Variants in CPS1 observed in about 807,000 individuals in gnomAD.
The protein encoded by CPS1 is carbamoyl-phosphate synthase [ammonia], mitochondrial.
In CPS1, 109 loss-of-function variants were observed where a neutral mutation model predicts 174.6. That is an observed-to-expected ratio of 0.62 (90% CI 0.53 to 0.73). CPS1 has a LOEUF of 0.73. Among genes scored for constraint, CPS1 ranks in the 30% least tolerant of loss-of-function variants. The pLI is 0.00. For synonymous variants in CPS1, 637 were observed against 632.0 expected, an observed-to-expected ratio of 1.01 and a Z score of -0.12; for missense variants, 1,689 against 1,821.9, an observed-to-expected ratio of 0.93 and a Z score of 1.33.
Position 210,648,046 on chromosome 2 carries a change from G to A in CPS1, c.3325G>A (p.Val1109Ile), listed in dbSNP as rs1405959957. 6.2e-7 allele frequency: 1 copy of A among 1,613,920 alleles called. No homozygotes were observed. Among genetic ancestry groups the A allele is most frequent in the East Asian group, 2.2e-5 (1 of 44,880 alleles). ...LKVAQAPWKA[V>I]NTLNEALEFA... ...GGTGGCTCAGGCACCTTGGAAAGCT[G>A]TTAATACTTTGGTAAGGAGAGAAAC... is the stretch of plus-strand genomic sequence containing the variant. Residue 1109 changes from valine (V) to isoleucine (I), a missense_variant, in exon 26 of 38, where the codon GTT becomes ATT. Transcript: ENST00000233072.
Position 210,608,058 on chromosome 2 carries a change from G to A in CPS1, c.2193-303G>A, listed in dbSNP as rs987892541. On this transcript the variant is annotated intron_variant, in intron 18 of 37. Transcript: ENST00000233072. ...TTAGTGGAGGTTAAATACAAATAAAGGTTAAACTTTATTTATCAATAAAGC... is the reference window on the plus strand; with the variant it reads ...TTAGTGGAGGTTAAATACAAATAAAAGTTAAACTTTATTTATCAATAAAGC... Among the ~76,000 whole-genome samples the A allele has an allele frequency of 9.9e-5, 15 of 151,922 alleles. 1 individual carries two copies. The highest frequency in any genetic ancestry group is 3.6e-4 in the African/African-American group (15 of 41,468).
At chr2:210,640,702 G>A (rs948195054) in intron 24 of CPS1, among the ~76,000 whole-genome samples, 7 of 151,976 alleles carry the variant, frequency 4.6e-5, no homozygotes, top group South Asian at 4.1e-4. Context: ...ATTATAATAT[G>A]GAAATGATAA....
intron 21 of CPS1, among the ~76,000 whole-genome samples, chr2:210,632,912 C>A (rs1000760502): frequency 2.6e-5 from 4 of 152,122 alleles, no homozygotes; most frequent in South Asian, 2.1e-4. Flanking sequence ...ATTTTTAAGA[C>A]ATTTAAAAAT....
rs376315320 is a variant in CPS1, at chr2:210,608,579, C to T, written c.2391+20C>T. On this transcript the variant is annotated intron_variant, in intron 19 of 37. Coordinates refer to ENST00000233072, the MANE Select transcript of CPS1 (RefSeq NM_001875.5). ...GGAGAGGTGAGTCCTTGGTTTATTA[C>T]GCTTTTCTTCTTGTTCTCAGTTATT... 1.2e-4 allele frequency: 199 copies of T among 1,605,412 alleles called. No homozygotes were observed. The African/African-American group carries it at 1.5e-3, about 12-fold the overall frequency.
intron 30 of CPS1, among the ~76,000 whole-genome samples, chr2:210,657,919 C>T (rs1700772556): frequency 6.6e-6 from 1 of 152,202 alleles, no homozygotes; most frequent in African/African-American, 2.4e-5. Context: ...TCTCAGAGCT[C>T]AATGTGTCAT....
chr2:210,606,158 C>T (rs1698900357), intron 17 of CPS1, among the ~76,000 whole-genome samples: 1 of 151,844 alleles, frequency 6.6e-6, no homozygotes, highest in African/African-American at 2.4e-5. Context: ...AAAGGAATTA[C>T]ATGGTATCAA....
chr2:210,677,814 A>G (rs2105946951), intron 37 of CPS1, 73 bp from the exon 38 acceptor site: 5 of 1,191,960 alleles, frequency 4.2e-6, no homozygotes, highest in Middle Eastern at 1.9e-4. Context: ...GACACTTGTG[A>G]CTTTTGTCTT....
Position 210,538,883 on chromosome 2 carries a change from G to T in CPS1, c.4-17836G>T, listed in dbSNP as rs554932360. On this transcript the variant is annotated intron_variant, in intron 1 of 38. Transcript: ENST00000430249. ...ACAAATAAGTTTAAGATCTTCCTAT[G>T]GGAAAAAATAATTTCCTCTATCAGA... 6.6e-5 allele frequency among the ~76,000 whole-genome samples: 10 copies of T among 151,954 alleles called. No individual in the cohort carries two copies. In the South Asian group the frequency reaches 1.9e-3, roughly 28 times the overall value.
Position 210,556,618 on chromosome 2 carries a change from G to A in CPS1, c.-116G>A. 1 of 1,538,072 alleles carries A rather than the reference G, an allele frequency of 6.5e-7. No individual in the cohort carries two copies. Among genetic ancestry groups the A allele is most frequent in the Non-Finnish European group, 8.8e-7 (1 of 1,142,574 alleles). ...AAATTCAAAGATCGCTGTGCAGTCA[G>A]CCTTAAACACTGACTGCACCCCTCC... On this transcript the variant is annotated 5_prime_UTR_variant, in exon 1 of 38. Coordinates refer to ENST00000233072, the MANE Select transcript of CPS1 (RefSeq NM_001875.5).
In CPS1 at chr2:210,654,109, G is replaced by A. The variant is rs764456030; in HGVS notation, c.3558+7G>A. 31 of 1,612,614 alleles carry A rather than the reference G, an allele frequency of 1.9e-5. No individual in the cohort carries two copies. The highest frequency in any genetic ancestry group is 2.6e-5 in the Non-Finnish European group (31 of 1,178,804). ...TGTTGGCAAAGATGGAAGGGTAAGT[G>A]CTTTATTCTCATCTCCTTCATTCCT... On this transcript the variant is annotated splice_region_variant and intron_variant, in intron 29 of 37. Coordinates refer to ENST00000233072, the MANE Select transcript of CPS1 (RefSeq NM_001875.5).
chr2:210,632,620 A>G (rs769713608), intron 21 of CPS1, among the ~76,000 whole-genome samples: 8 of 152,200 alleles, frequency 5.3e-5, no homozygotes, highest in South Asian at 2.1e-4. Flanking sequence ...GGAATTAGGC[A>G]GCACTGACTG....
chr2:210,650,565 CA>C (rs1700530017), intron 28 of CPS1, 127 bp downstream of exon 28: 1 of 786,016 alleles, frequency 1.3e-6, no homozygotes, highest in Non-Finnish European at 2.2e-6. Flanking sequence ...TCTTTTCACA[CA>C]ATGTGTTAGA....
chr2:210,667,794 A>G (rs1267674060), intron 33 of CPS1, among the ~76,000 whole-genome samples: 1 of 152,194 alleles, frequency 6.6e-6, no homozygotes, highest in Non-Finnish European at 1.5e-5. Context: ...TGTTATTTAA[A>G]CAGTAAGTCA....
intron 6 of CPS1, among the ~76,000 whole-genome samples, chr2:210,584,000 G>C (rs1007244946): frequency 6.6e-6 from 1 of 152,058 alleles, no homozygotes; most frequent in African/African-American, 2.4e-5. Flanking sequence ...TACTTTCTCA[G>C]CTAAGGATTT....
chr2:210,613,007 C>A (rs553478286), intron 20 of CPS1, among the ~76,000 whole-genome samples: 2 of 151,874 alleles, frequency 1.3e-5, no homozygotes, highest in Non-Finnish European at 2.9e-5. Flanking sequence ...GTCAGAAATC[C>A]CTGAAAGGCT....
chr2:210,623,203 A>G (rs1699587139), intron 21 of CPS1, among the ~76,000 whole-genome samples: 1 of 152,068 alleles, frequency 6.6e-6, no homozygotes, highest in South Asian at 2.1e-4. Context: ...GCCGCTATTT[A>G]TGTTAGCAAT....
intron 2 of CPS1, among the ~76,000 whole-genome samples, chr2:210,575,708 T>C (rs141338137): frequency 4.6e-5 from 7 of 152,214 alleles, no homozygotes; most frequent in East Asian, 1.9e-4. Context: ...TCTAAGCAGA[T>C]AATAACTTTC....
chr2:210,567,706 T>A (rs1697347258), intron 1 of CPS1, among the ~76,000 whole-genome samples: 1 of 152,136 alleles, frequency 6.6e-6, no homozygotes, highest in East Asian at 1.9e-4. Context: ...TCTGAAGGCA[T>A]TACTTATATG....
intron 21 of CPS1, among the ~76,000 whole-genome samples, chr2:210,616,758 T>G (rs528489610): frequency 6.6e-6 from 1 of 152,048 alleles, no homozygotes; most frequent in Admixed American, 6.6e-5. Context: ...TTTAATCATC[T>G]TCTATTCCCA....
Sources: allele counts gnomAD v4.1 joint callset (sites outside exome capture counted in the v4.1 genomes callset), GRCh38; gene constraint gnomAD v4.1.1; transcripts MANE v1.5; gene names NCBI Gene and HGNC (gene_info 2026-07-23, HGNC 2026-07-21).